ARIH2: variants seen among roughly 807,000 people sequenced by gnomAD.
ARIH2 encodes ariadne RBR E3 ubiquitin protein ligase 2.
A neutral mutation model predicts 79.8 loss-of-function variants in ARIH2; 12 were observed. The ratio of observed to expected loss-of-function variants is 0.15; its 90% CI spans 0.10 to 0.24. The LOEUF is 0.24. Among genes scored for constraint, ARIH2 ranks in the 10% least tolerant of loss-of-function variants. The probability of loss-of-function intolerance (pLI) is 1.00; values close to 1 mark genes in which losing one functional copy is unlikely to be tolerated. For missense variants in ARIH2, 301 were observed against 618.3 expected (o/e 0.49, Z 5.44); for synonymous variants, 224 against 213.9 (o/e 1.05, Z -0.41).
intron 3 of ARIH2, among the ~76,000 whole-genome samples, chr3:48,943,833 C>T (rs2088711871): frequency 6.6e-6 from 1 of 152,090 alleles, no homozygotes; most frequent in South Asian, 2.1e-4. Flanking sequence ...TTGGATGGTA[C>T]TACCTAGCTG....
At chr3:48,941,352 T>A (rs2088185800) in intron 3 of ARIH2, among the ~76,000 whole-genome samples, 1 of 152,036 alleles carries the variant, frequency 6.6e-6, no homozygotes, top group Non-Finnish European at 1.5e-5. Context: ...ATCAAAAAGT[T>A]GGGACTTGAA....
chr3:48,967,111 C>G lies in ARIH2; in HGVS notation c.388-14C>G, dbSNP rs1005140360. 3 of 1,612,390 alleles carry G rather than the reference C, an allele frequency of 1.9e-6. No homozygotes were observed. Among genetic ancestry groups the G allele is most frequent in the African/African-American group, 2.7e-5 (2 of 74,848 alleles). On this transcript the variant is annotated splice_polypyrimidine_tract_variant and intron_variant, in intron 5 of 15. Transcript: ENST00000356401. ...TGACTCCTCTTTGGCTCATGTGGCT[C>G]TGTTTCTCTCCAGGTTCCCACATCC...
chr3:48,951,639 G>C (rs2089974321), intron 3 of ARIH2, among the ~76,000 whole-genome samples: 1 of 151,476 alleles, frequency 6.6e-6, no homozygotes, highest in Admixed American at 6.6e-5. Context: ...TTTTCATTTT[G>C]TGTCATTGTT....
intron 3 of ARIH2, among the ~76,000 whole-genome samples, chr3:48,944,669 G>C (rs535263913): frequency 6.6e-6 from 1 of 152,108 alleles, no homozygotes; most frequent in Non-Finnish European, 1.5e-5. Flanking sequence ...ATTAGATTCA[G>C]GGGTGAGCCT....
At chr3:48,949,270 G>A (rs1402134907) in intron 3 of ARIH2, among the ~76,000 whole-genome samples, 2 of 152,070 alleles carry the variant, frequency 1.3e-5, no homozygotes, top group African/African-American at 4.8e-5. Context: ...GGCGCCCGCC[G>A]TGACGCCCGG....
intron 3 of ARIH2, among the ~76,000 whole-genome samples, chr3:48,949,569 T>G (rs1288747935): frequency 6.6e-6 from 1 of 152,252 alleles, no homozygotes; most frequent in Non-Finnish European, 1.5e-5. Context: ...TAATACCTTG[T>G]GGTTTTAATT....
At chr3:48,959,188 C>T (rs900196705) in intron 3 of ARIH2, among the ~76,000 whole-genome samples, 35 of 150,612 alleles carry the variant, frequency 2.3e-4, no homozygotes, top group Admixed American at 5.3e-4. Flanking sequence ...TGGTGGTGGG[C>T]GCCTGTAGTC....
At chr3:48,942,979 A>G (rs2088552223) in intron 3 of ARIH2, among the ~76,000 whole-genome samples, 1 of 151,968 alleles carries the variant, frequency 6.6e-6, no homozygotes, top group Non-Finnish European at 1.5e-5. Flanking sequence ...GGGTTTCACC[A>G]TGTTGGCCAA....
intron 1 of ARIH2, chr3:48,922,360 GTGGCGCGATC>G (rs2084938167): frequency 6.6e-6 from 1 of 150,452 alleles, no homozygotes; most frequent in East Asian, 2.0e-4. Context: ...CTCAAGTGCA[GTGGCGCGATC>G]TCACCTCACT....
intron 3 of ARIH2, among the ~76,000 whole-genome samples, chr3:48,930,058 C>T (rs955784501): frequency 6.6e-6 from 1 of 152,026 alleles, no homozygotes; most frequent in Non-Finnish European, 1.5e-5. Flanking sequence ...TTATTTTTTC[C>T]CTTCTGCACT....
rs368855724 is a variant in ARIH2, at chr3:48,967,990, A to G, written c.539-544A>G. The G allele has an allele frequency of 1.7e-3, 256 of 152,254 alleles. 8 individuals are homozygous for G. The South Asian group carries it at 0.05, about 30-fold the overall frequency. 9.4% of individuals were successfully genotyped at this position (152,254 alleles called of 1,614,324 possible). ...TAGGTGGGCAAGTTGTGTCTTCTGCAGTATGCTTGTCCATCACTTTTTTGG... is the reference window on the plus strand; with the variant it reads ...TAGGTGGGCAAGTTGTGTCTTCTGCGGTATGCTTGTCCATCACTTTTTTGG... On this transcript the variant is annotated intron_variant, in intron 6 of 15. Coordinates refer to ENST00000356401, the MANE Select transcript of ARIH2 (RefSeq NM_006321.4).
chr3:48,941,656 A>G (rs1458258160), intron 3 of ARIH2, among the ~76,000 whole-genome samples: 1 of 145,170 alleles, frequency 6.9e-6, no homozygotes, highest in Non-Finnish European at 1.5e-5. Flanking sequence ...GCAGTGGCGC[A>G]ATCTCGGCTC....
rs779045756 is a variant in ARIH2 at position 48,927,546 on chromosome 3, G to A, written c.-13G>A. On this transcript the variant is annotated 5_prime_UTR_variant, in exon 3 of 16. Transcript: ENST00000356401. Reference sequence around the variant, plus strand: ...AACTGCTTTCCTGATCTGCAACTTGGCTGGATGCTAAGATGTCAGTGGACA... The same window carrying A: ...AACTGCTTTCCTGATCTGCAACTTGACTGGATGCTAAGATGTCAGTGGACA... 1.2e-6 allele frequency: 2 copies of A among 1,611,166 alleles called. No homozygotes were observed. Among genetic ancestry groups the A allele is most frequent in the Non-Finnish European group, 1.7e-6 (2 of 1,178,782 alleles).
chr3:48,983,241 A>T lies in ARIH2; in HGVS notation c.1453A>T (p.Thr485Ser), dbSNP rs1300024418. The change falls in exon 16 of 16, where the codon ACC becomes TCC. Residue 485 changes from threonine to serine, a missense_variant. Transcript: ENST00000356401. Reference protein sequence around the residue: ...QMHIAEQRRRTLLKDFHDT With the variant: ...QMHIAEQRRRSLLKDFHDT ...GCATATAGCGGAGCAGCGGAGGAGA[A>T]CCCTGCTGAAAGATTTCCATGACAC... 1 of 1,614,172 alleles carries T rather than the reference A, an allele frequency of 6.2e-7. No homozygotes were observed. Among genetic ancestry groups the T allele is most frequent in the South Asian group, 1.1e-5 (1 of 91,078 alleles).
At chr3:48,932,181 CAG>C in intron 3 of ARIH2, among the ~76,000 whole-genome samples, 1 of 152,068 alleles carries the variant, frequency 6.6e-6, no homozygotes, top group East Asian at 1.9e-4. Context: ...AGATAGAGAA[CAG>C]AGAAAATGCT....
rs558189492 is a variant in ARIH2, at chr3:48,942,637, C to T, written c.255+14824C>T. On this transcript the variant is annotated intron_variant, in intron 3 of 15. Transcript: ENST00000356401. ...GGGATTACAGGCGCCTGCCACCATG[C>T]CCGGCTAATTTTTTTTTTTTTTTTT... Among the ~76,000 whole-genome samples the T allele has an allele frequency of 2.7e-4, 40 of 149,656 alleles. No individual in the cohort carries two copies. The East Asian group carries it at 3.5e-3, about 13-fold the overall frequency.
intron 14 of ARIH2, chr3:48,982,657 G>A (rs772729941): frequency 1.4e-4 from 66 of 482,514 alleles, no homozygotes; most frequent in Non-Finnish European, 2.2e-4. Flanking sequence ...GCCTTTGGGA[G>A]TGTGGAGGGT....
At chr3:48,979,453 G>A in intron 11 of ARIH2, 29 bp from the exon 12 acceptor site, 1 of 1,607,516 alleles carries the variant, frequency 6.2e-7, no homozygotes, top group Non-Finnish European at 8.5e-7. Context: ...TCTTGTAGAT[G>A]TAAATGACTC....
At chr3:48,937,582 TTA>T (rs1395122124) in intron 3 of ARIH2, among the ~76,000 whole-genome samples, 15 of 152,118 alleles carry the variant, frequency 9.9e-5, no homozygotes, top group Admixed American at 9.8e-4. Flanking sequence ...AAATGTCTGG[TTA>T]TGTTATGTTC....
Sources: allele counts gnomAD v4.1 joint callset (sites outside exome capture counted in the v4.1 genomes callset), GRCh38; gene constraint gnomAD v4.1.1; transcripts MANE v1.5; gene names NCBI Gene and HGNC (gene_info 2026-07-23, HGNC 2026-07-21).